The following TNFSF13 variants were observed in gnomAD, a reference collection of about 807,000 sequenced individuals.
TNFSF13 encodes tumor necrosis factor ligand superfamily member 13.
A neutral mutation model predicts 30.7 loss-of-function variants in TNFSF13; 18 were observed. The ratio of observed to expected loss-of-function variants is 0.59; its 90% CI spans 0.41 to 0.87. TNFSF13 has a LOEUF of 0.87. TNFSF13 is among the 40% of genes least tolerant of loss of function. The pLI is 0.00. For missense variants in TNFSF13, 286 were observed against 308.8 expected, an observed-to-expected ratio of 0.93 and a Z score of 0.55; for synonymous variants, 116 against 123.2, an observed-to-expected ratio of 0.94 and a Z score of 0.39.
chr17:7,560,373 C>G lies in TNFSF13; in HGVS notation c.528C>G (p.Phe176Leu). The G allele has an allele frequency of 1.2e-6, 2 of 1,614,194 alleles. No individual in the cohort carries two copies. The highest frequency in any genetic ancestry group is 1.7e-6 in the Non-Finnish European group (2 of 1,180,036). ...YSQVLFQDVT[F>L]TMGQVVSREG... is the part of the protein sequence containing the mutation. ...AGGTCCTGTTTCAAGACGTGACTTT[C>G]ACCATGGGTCAGGTGGTGTCTCGAG... is the stretch of plus-strand genomic sequence containing the variant. Residue 176 changes from phenylalanine to leucine, a missense_variant, in exon 5 of 6, where the codon TTC becomes TTG. Transcript: ENST00000338784.
intron 5 of TNFSF13, 27 bp downstream of exon 5, chr17:7,560,515 C>T (rs2071175988): frequency 6.2e-7 from 1 of 1,613,576 alleles, no homozygotes; most frequent in Non-Finnish European, 8.5e-7. Flanking sequence ...CAGCCGAAAG[C>T]AGGACGTCTC....
Position 7,559,758 on chromosome 17 carries a change from TAAGCCC to T in TNFSF13, c.337+57_337+62del. The T allele has an allele frequency of 6.2e-7, 1 of 1,613,752 alleles. No homozygotes were observed. Reference sequence around the variant, plus strand: ...AGGTGATCAAGCAGCGTGGGGATTGTAAGCCCGAGTCAGGGTGAGGGTGGAGGCTGC... The same window carrying T: ...AGGTGATCAAGCAGCGTGGGGATTGTGAGTCAGGGTGAGGGTGGAGGCTGC... On this transcript the variant is annotated intron_variant, in intron 2 of 5. Coordinates refer to ENST00000338784, the MANE Select transcript of TNFSF13 (RefSeq NM_003808.4). This position sits in a 1 kb window ranked among gnomAD's most constrained non-coding sequence, Gnocchi z 5.4.
rs2071124422 is a variant in TNFSF13 at position 7,559,157 on chromosome 17, G to A, written c.118G>A (p.Gly40Arg). The change falls in exon 1 of 6, where the codon GGG becomes AGG. Residue 40 changes from glycine to arginine, a missense_variant. Gly to Arg is a moderately radical substitution (Grantham distance 125). Transcript: ENST00000338784. The surrounding 1 kb of genome is among the most constrained non-coding windows in gnomAD (Gnocchi z 5.4). ...ALWLSWGAAL[G>R]AVACAMALLT... The stretch of plus-strand genomic sequence containing the variant: ...CTGGTTGAGTTGGGGGGCAGCTCTG[G>A]GGGCCGTGGCTTGTGCCATGGCTCT... 1 of 1,612,540 alleles carries A rather than the reference G, an allele frequency of 6.2e-7. No individual in the cohort carries two copies. Among genetic ancestry groups the A allele is most frequent in the African/African-American group, 1.3e-5 (1 of 74,926 alleles).
Position 7,558,896 on chromosome 17 carries a change from CCTT to C in TNFSF13, c.-143_-141del. The C allele has an allele frequency of 9.6e-7, 1 of 1,043,702 alleles. No individual in the cohort carries two copies. The highest frequency in any genetic ancestry group is 2.3e-5 in the South Asian group (1 of 43,044). 64.7% of individuals were successfully genotyped at this position (1,043,702 alleles called of 1,614,324 possible). A position where few individuals can be genotyped will look rare whatever the true frequency, so the allele number is the denominator to read the frequency against. On this transcript the variant is annotated 5_prime_UTR_variant, in exon 1 of 6. Coordinates refer to ENST00000338784, the MANE Select transcript of TNFSF13 (RefSeq NM_003808.4). This position sits in a 1 kb window ranked among gnomAD's most constrained non-coding sequence, Gnocchi z 4.3. ...CCCTTAGCTTGCTTTCCTCCTCCCTCCTTTTTATTTTCAAGTTCCTTTTTATTT... is the reference window on the plus strand; with the variant it reads ...CCCTTAGCTTGCTTTCCTCCTCCCTCTTTATTTTCAAGTTCCTTTTTATTT...
rs1196108792 is a variant in TNFSF13 at position 7,560,955 on chromosome 17, G to A, written c.*122G>A. On this transcript the variant is annotated 3_prime_UTR_variant, in exon 6 of 6. Transcript: ENST00000338784. ...GGAACAGAGGCGTCTTCCTGGGTTT[G>A]GCTCCCCGTTCCTCACTTTTCCCTT... is the stretch of plus-strand genomic sequence containing the variant. The A allele has an allele frequency of 6.2e-7, 1 of 1,614,166 alleles. No individual in the cohort carries two copies. The highest frequency in any genetic ancestry group is 1.7e-5 in the Admixed American group (1 of 60,014).
chr17:7,558,786 A>C lies in TNFSF13; in HGVS notation c.-254A>C. ...CCCTGTCCTTCCTAGAGGGACTGGA[A>C]CCTAATTCTCCTGAGGCTGAGGGAG... On this transcript the variant is annotated 5_prime_UTR_variant, in exon 1 of 6. Transcript: ENST00000338784. This position sits in a 1 kb window ranked among gnomAD's most constrained non-coding sequence, Gnocchi z 4.3. 9.0e-6 allele frequency: 3 copies of C among 332,198 alleles called. No individual in the cohort carries two copies. Among genetic ancestry groups the C allele is most frequent in the Non-Finnish European group, 1.1e-5 (2 of 184,050 alleles). The allele number at this position is 332,198 out of a possible 1,614,324, so 20.6% of individuals were successfully genotyped here. A position where few individuals can be genotyped will look rare whatever the true frequency, so the allele number is the denominator to read the frequency against.
rs1045399792 is a variant in TNFSF13, at chr17:7,558,843, C to T, written c.-197C>T. On this transcript the variant is annotated 5_prime_UTR_variant, in exon 1 of 6. In the 5' UTR this introduces an upstream ATG that the reference lacks. Coordinates refer to ENST00000338784, the MANE Select transcript of TNFSF13 (RefSeq NM_003808.4). This position sits in a 1 kb window ranked among gnomAD's most constrained non-coding sequence, Gnocchi z 4.3. ...GGGTCTCAAGGCAACGCTGGCCCCA[C>T]GACGGAGTGCCAGGAGCACTAACAG... is the stretch of plus-strand genomic sequence containing the variant. 1.1e-5 allele frequency: 6 copies of T among 548,996 alleles called. No individual in the cohort carries two copies. The highest frequency in any genetic ancestry group is 3.9e-5 in the African/African-American group (2 of 51,354). 34.0% of individuals were successfully genotyped at this position (548,996 alleles called of 1,614,324 possible). A position where few individuals can be genotyped will look rare whatever the true frequency, so the allele number is the denominator to read the frequency against.
intron 5 of TNFSF13, 92 bp from the exon 6 acceptor site, chr17:7,560,632 G>A (rs1460704324): frequency 8.7e-6 from 14 of 1,611,660 alleles, no homozygotes; most frequent in Non-Finnish European, 1.2e-5. Flanking sequence ...CTTACAGGAG[G>A]CAGAGGAACG....
At chr17:7,558,405 C>A (rs901991727), upstream of TNFSF13, 2 of 152,226 alleles carry the variant, frequency 1.3e-5, no homozygotes, top group Admixed American at 6.5e-5. The surrounding 1 kb of genome is among the most constrained non-coding windows in gnomAD (Gnocchi z 4.3). Flanking sequence ...AACAGGAAGT[C>A]CTGCTTGCCA....
chr17:7,560,993 C>T lies in TNFSF13; in HGVS notation c.*160C>T, dbSNP rs761804775. On this transcript the variant is annotated 3_prime_UTR_variant, in exon 6 of 6. Coordinates refer to ENST00000338784, the MANE Select transcript of TNFSF13 (RefSeq NM_003808.4). ...TCACTTTTCCCTTTTCATTCCCACC[C>T]CCTAGACTTTGATTTTACGGATATC... is the stretch of plus-strand genomic sequence containing the variant. 5 of 1,614,164 alleles carry T rather than the reference C, an allele frequency of 3.1e-6. No homozygotes were observed. In the South Asian group the frequency reaches 5.5e-5, roughly 18 times the overall value.
At position 7,561,352 on chromosome 17, in the gene TNFSF13, C is replaced by T; in HGVS notation, c.*519C>T. ...TCTCCAGAGATGTAGCTATTATGCG[C>T]CCGTCTACAGGGGGTGCCCGACGAT... On this transcript the variant is annotated 3_prime_UTR_variant, in exon 6 of 6. Coordinates refer to ENST00000338784, the MANE Select transcript of TNFSF13 (RefSeq NM_003808.4). This position sits in a 1 kb window ranked among gnomAD's most constrained non-coding sequence, Gnocchi z 4.4. 1 of 323,646 alleles carries T rather than the reference C, an allele frequency of 3.1e-6. No individual in the cohort carries two copies. Among genetic ancestry groups the T allele is most frequent in the Non-Finnish European group, 5.8e-6 (1 of 171,654 alleles). 20.0% of individuals were successfully genotyped at this position (323,646 alleles called of 1,614,324 possible).
At chr17:7,560,323 T>C (rs2071167711) in intron 4 of TNFSF13, 27 bp from the exon 5 acceptor site, 1 of 1,612,200 alleles carries the variant, frequency 6.2e-7, no homozygotes, top group African/African-American at 1.4e-5. Flanking sequence ...CCATCCTGTT[T>C]TCTTCAACAT....
chr17:7,558,405 C>T (rs901991727), upstream of TNFSF13: 23 of 152,226 alleles, frequency 1.5e-4, no homozygotes, highest in African/African-American at 4.3e-4. The surrounding 1 kb of genome is among the most constrained non-coding windows in gnomAD (Gnocchi z 4.3). Context: ...AACAGGAAGT[C>T]CTGCTTGCCA....
intron 4 of TNFSF13, 64 bp downstream of exon 4, chr17:7,560,231 A>T (rs2071163967): frequency 5.0e-6 from 8 of 1,611,752 alleles, no homozygotes; most frequent in Admixed American, 3.3e-5. Flanking sequence ...AGGGTTCCTG[A>T]CCCCTCTATT....
In TNFSF13 at chr17:7,561,110, G is replaced by A. The variant is rs2071195936; in HGVS notation, c.*277G>A. 1.1e-5 allele frequency: 17 copies of A among 1,569,290 alleles called. No homozygotes were observed. The highest frequency in any genetic ancestry group is 1.5e-5 in the Non-Finnish European group (17 of 1,144,984). On this transcript the variant is annotated 3_prime_UTR_variant, in exon 6 of 6. Transcript: ENST00000338784. This position sits in a 1 kb window ranked among gnomAD's most constrained non-coding sequence, Gnocchi z 4.4. ...CCAGGCATTGTCCAGACCTGGTCGG[G>A]GCCCACTGGAAGCATCCAGAACAGC...
rs1488691599 is a variant in TNFSF13, at chr17:7,559,776, A to T, written c.338-70A>T. The T allele has an allele frequency of 1.2e-6, 2 of 1,613,954 alleles. No homozygotes were observed. The highest frequency in any genetic ancestry group is 1.7e-5 in the Admixed American group (1 of 60,012). Reference sequence around the variant, plus strand: ...GGGATTGTAAGCCCGAGTCAGGGTGAGGGTGGAGGCTGCCAACAGCACAAC... The same window carrying T: ...GGGATTGTAAGCCCGAGTCAGGGTGTGGGTGGAGGCTGCCAACAGCACAAC... On this transcript the variant is annotated intron_variant, in intron 2 of 5. Coordinates refer to ENST00000338784, the MANE Select transcript of TNFSF13 (RefSeq NM_003808.4). This position sits in a 1 kb window ranked among gnomAD's most constrained non-coding sequence, Gnocchi z 5.4.
At position 7,559,368 on chromosome 17, in the gene TNFSF13, A is replaced by C; in HGVS notation, c.258+71A>C. 6.7e-7 allele frequency: 1 copy of C among 1,491,022 alleles called. No homozygotes were observed. The highest frequency in any genetic ancestry group is 8.9e-7 in the Non-Finnish European group (1 of 1,119,168). The allele number at this position is 1,491,022 out of a possible 1,614,324, so 92.4% of individuals were successfully genotyped here. On this transcript the variant is annotated intron_variant, in intron 1 of 5. Transcript: ENST00000338784. This position sits in a 1 kb window ranked among gnomAD's most constrained non-coding sequence, Gnocchi z 5.4. ...GGGGTCTCTGGGCCTCCTGGTCTGC[A>C]AAGTTTCAAGGGGGTGCAAGAGAGG... is the stretch of plus-strand genomic sequence containing the variant.
chr17:7,560,556 G>T (rs572948150), intron 5 of TNFSF13, 68 bp downstream of exon 5: 1 of 1,611,018 alleles, frequency 6.2e-7, no homozygotes, highest in Non-Finnish European at 8.5e-7. Context: ...GGGAGCTACC[G>T]CTAGGAGGGA....
intron 3 of TNFSF13, 48 bp from the exon 4 acceptor site, chr17:7,560,001 G>A: frequency 6.2e-7 from 1 of 1,614,000 alleles, no homozygotes. Flanking sequence ...GAACCAAAAA[G>A]CACCTGAGAG....
Sources: allele counts gnomAD v4.1 joint callset, GRCh38; gene constraint gnomAD v4.1.1; non-coding constraint Gnocchi (gnomAD v3.1); transcripts MANE v1.5; gene names NCBI Gene and HGNC (gene_info 2026-07-23, HGNC 2026-07-21).